The following ARHGAP44 variants were observed in gnomAD, a reference collection of about 807,000 sequenced individuals.
The protein encoded by ARHGAP44 is rho GTPase-activating protein 44.
ARHGAP44 carries 43 observed loss-of-function variants against 106.8 expected under a neutral mutation model. The observed-to-expected ratio is 0.40, with a 90% CI of 0.32 to 0.52. ARHGAP44 has a LOEUF of 0.52. Among genes scored for constraint, ARHGAP44 ranks in the 20% least tolerant of loss-of-function variants. ARHGAP44 has a pLI of 0.48. For synonymous variants in ARHGAP44, 439 were observed against 410.3 expected, an observed-to-expected ratio of 1.07 and a Z score of -0.85; for missense variants, 866 against 1,050.5, an observed-to-expected ratio of 0.82 and a Z score of 2.43.
At chr17:12,955,035 A>G (rs2039093345) in intron 13 of ARHGAP44, among the ~76,000 whole-genome samples, 1 of 152,132 alleles carries the variant, frequency 6.6e-6, no homozygotes, top group Non-Finnish European at 1.5e-5. Flanking sequence ...CCATGCCCCT[A>G]AGCAACCACT....
At chr17:12,956,127 G>C in intron 14 of ARHGAP44, 147 bp downstream of exon 14, 1 of 618,800 alleles carries the variant, frequency 1.6e-6, no homozygotes, top group Admixed American at 3.0e-5. Context: ...CCTCTTTTAG[G>C]CTGAGGAGGA....
chr17:12,977,855 T>G (rs1366624272), intron 18 of ARHGAP44, among the ~76,000 whole-genome samples: 3 of 151,936 alleles, frequency 2.0e-5, no homozygotes, highest in Admixed American at 6.5e-5. Context: ...CTGGCCAACA[T>G]GGTGAAACCC....
At chr17:12,973,191 C>G (rs9889794) in intron 16 of ARHGAP44, 111 bp from the exon 17 acceptor site, 4 of 1,115,296 alleles carry the variant, frequency 3.6e-6, no homozygotes, top group African/African-American at 1.6e-5. Flanking sequence ...AAAAATCCCA[C>G]CCCAAGACCC....
At chr17:12,846,784 C>A (rs1433919098) in intron 1 of ARHGAP44, among the ~76,000 whole-genome samples, 1 of 152,214 alleles carries the variant, frequency 6.6e-6, no homozygotes, top group Admixed American at 6.5e-5. Flanking sequence ...TTGACAGTTA[C>A]TTCAACTGTG....
intron 6 of ARHGAP44, among the ~76,000 whole-genome samples, chr17:12,920,148 G>T (rs2038032956): frequency 6.6e-6 from 1 of 152,090 alleles, no homozygotes; most frequent in Admixed American, 6.5e-5. Context: ...GGCCAAGGCG[G>T]GCGGATCACA....
intron 2 of ARHGAP44, 131 bp from the exon 3 acceptor site, chr17:12,896,276 A>G (rs1016553686): frequency 2.0e-6 from 1 of 495,132 alleles, no homozygotes; most frequent in Non-Finnish European, 2.9e-6. Context: ...ACAAACAAAC[A>G]AAAAAACAAA....
intron 2 of ARHGAP44, among the ~76,000 whole-genome samples, chr17:12,896,201 A>G (rs1402009046): frequency 6.6e-6 from 1 of 152,090 alleles, no homozygotes; most frequent in African/African-American, 2.4e-5. Flanking sequence ...TGGCACGTGT[A>G]TACATATGTA....
chr17:12,818,599 A>T (rs1443857576), intron 1 of ARHGAP44, among the ~76,000 whole-genome samples: 1 of 152,014 alleles, frequency 6.6e-6, no homozygotes, highest in East Asian at 1.9e-4. Flanking sequence ...TCTATGAAAA[A>T]TCTCCTAGAA....
chr17:12,888,158 A>T (rs2036936478), intron 1 of ARHGAP44, among the ~76,000 whole-genome samples: 2 of 150,690 alleles, frequency 1.3e-5, no homozygotes, highest in South Asian at 2.1e-4. Context: ...CTTGCTTTGG[A>T]CTTTATTTGG....
In ARHGAP44 at chr17:12,984,728, C is replaced by T. The variant is rs1278816008; in HGVS notation, c.2137C>T (p.Leu713=). Residue 713 remains leucine (L), a synonymous_variant, in exon 20 of 21, where the codon CTG becomes TTG. Coordinates refer to ENST00000379672, the MANE Select transcript of ARHGAP44 (RefSeq NM_014859.6). ...GQLSPAAAPP[L]ASPSVFTSTL... is the part of the protein sequence containing the mutation. ...GCTCTCCCCAGCTGCAGCTCCTCCCCTGGCCTCTCCTTCTGTCTTTACAAG... is the reference window on the plus strand; with the variant it reads ...GCTCTCCCCAGCTGCAGCTCCTCCCTTGGCCTCTCCTTCTGTCTTTACAAG... 2 of 1,613,990 alleles carry T rather than the reference C, an allele frequency of 1.2e-6. No homozygotes were observed. The highest frequency in any genetic ancestry group is 1.3e-5 in the African/African-American group (1 of 75,064).
chr17:12,854,086 A>G (rs2035836832), intron 1 of ARHGAP44, among the ~76,000 whole-genome samples: 1 of 152,132 alleles, frequency 6.6e-6, no homozygotes, highest in Non-Finnish European at 1.5e-5. Flanking sequence ...AGGAGGCTGG[A>G]TTTAGAAACA....
At chr17:12,923,949 C>T (rs2038162589) in intron 6 of ARHGAP44, among the ~76,000 whole-genome samples, 1 of 152,182 alleles carries the variant, frequency 6.6e-6, no homozygotes, top group South Asian at 2.1e-4. Flanking sequence ...CCCCCCTACC[C>T]CCTGCATTTC....
intron 1 of ARHGAP44, among the ~76,000 whole-genome samples, chr17:12,867,762 C>T (rs1177079056): frequency 2.0e-5 from 3 of 152,106 alleles, no homozygotes; most frequent in African/African-American, 7.2e-5. Flanking sequence ...GTGATTAGAA[C>T]CCTCTTGGGA....
chr17:12,939,667 C>T (rs565986728), intron 7 of ARHGAP44, among the ~76,000 whole-genome samples: 4 of 152,216 alleles, frequency 2.6e-5, no homozygotes, highest in East Asian at 1.9e-4. Flanking sequence ...GGGGTTTCAC[C>T]GTGTTAGCCA....
chr17:12,823,718 A>T (rs567758758), intron 1 of ARHGAP44, among the ~76,000 whole-genome samples: 9 of 152,296 alleles, frequency 5.9e-5, no homozygotes, highest in African/African-American at 1.9e-4. Context: ...ACAGCAGAAG[A>T]TCTCTTGATA....
intron 7 of ARHGAP44, among the ~76,000 whole-genome samples, chr17:12,931,654 G>A (rs1435264987): frequency 1.3e-5 from 2 of 151,644 alleles, no homozygotes; most frequent in African/African-American, 4.8e-5. Flanking sequence ...CCGCCACCAC[G>A]CCCGGCTAAT....
At chr17:12,835,816 C>T (rs7218896) in intron 1 of ARHGAP44, among the ~76,000 whole-genome samples, 5,795 of 152,180 alleles carry the variant, frequency 0.038, 144 homozygotes, top group East Asian at 0.058. Context: ...TCCCTCCAGG[C>T]GCCAGTAATC....
At chr17:12,964,026 T>C (rs2039331235) in intron 16 of ARHGAP44, among the ~76,000 whole-genome samples, 1 of 152,226 alleles carries the variant, frequency 6.6e-6, no homozygotes, top group African/African-American at 2.4e-5. Flanking sequence ...GTGTGATATA[T>C]AGGGTGTCCT....
Position 12,949,387 on chromosome 17 carries a change from C to T in ARHGAP44, c.973+136C>T. 1 of 987,992 alleles carries T rather than the reference C, an allele frequency of 1.0e-6. No individual in the cohort carries two copies. The highest frequency in any genetic ancestry group is 1.6e-5 in the South Asian group (1 of 64,172). 61.2% of individuals were successfully genotyped at this position (987,992 alleles called of 1,614,324 possible). On this transcript the variant is annotated intron_variant, in intron 11 of 20. Coordinates refer to ENST00000379672, the MANE Select transcript of ARHGAP44 (RefSeq NM_014859.6). This position sits in a 1 kb window ranked among gnomAD's most constrained non-coding sequence, Gnocchi z 4.1. ...ACTTCAGATGTGTCCACTCAGTGCC[C>T]AGTTTCAGGGCTGGGTGCTCTGGCC...
Sources: gnomAD v4.1 joint callset for allele counts (sites outside exome capture counted in the v4.1 genomes callset) on GRCh38, gnomAD v4.1.1 for gene constraint, Gnocchi (gnomAD v3.1) non-coding constraint, MANE v1.5 for transcripts, NCBI Gene and HGNC (gene_info 2026-07-23, HGNC 2026-07-21) for gene names.